Variants in MYOCD observed in about 807,000 individuals in gnomAD.
The protein encoded by MYOCD is myocardin.
Under a neutral mutation model 96.1 loss-of-function variants are expected in MYOCD, and 32 were observed. That is an observed-to-expected ratio of 0.33 (90% CI 0.25 to 0.45). The LOEUF is 0.45. MYOCD is among the 20% of genes least tolerant of loss of function. The pLI is 1.00. For missense variants in MYOCD, 1,133 were observed against 1,200.6 expected (o/e 0.94, Z 0.83); for synonymous variants, 469 against 469.0 (o/e 1.00, Z 0.00).
chr17:12,703,941 T>C (rs184858773), intron 1 of MYOCD, among the ~76,000 whole-genome samples: 14 of 152,304 alleles, frequency 9.2e-5, no homozygotes, highest in Admixed American at 9.2e-4. Flanking sequence ...ATTTCCTATT[T>C]TTTGTCCATT....
At chr17:12,702,517 G>A (rs1429753338) in intron 1 of MYOCD, among the ~76,000 whole-genome samples, 1 of 151,708 alleles carries the variant, frequency 6.6e-6, no homozygotes, top group Non-Finnish European at 1.5e-5. Context: ...TGTTTTATTT[G>A]AGCATTTCAA....
intron 1 of MYOCD, among the ~76,000 whole-genome samples, chr17:12,684,587 C>T (rs138692298): frequency 5.1e-4 from 77 of 152,296 alleles, no homozygotes; most frequent in Non-Finnish European, 9.0e-4. Flanking sequence ...TGGCTCATGC[C>T]TGTAATCCCA....
At chr17:12,722,165 G>T (rs1430605806) in intron 4 of MYOCD, among the ~76,000 whole-genome samples, 1 of 152,154 alleles carries the variant, frequency 6.6e-6, no homozygotes. Context: ...AAGTTGGCTG[G>T]ATTCTCTTCT....
rs554302305 is a variant in MYOCD at position 12,684,803 on chromosome 17, G to A, written c.55+18560G>A. ...GGGGGTTGCGGTGAGCTGAGATCACGCCACTGCACTCCAGCTGGGGAAATA... is the reference window on the plus strand; with the variant it reads ...GGGGGTTGCGGTGAGCTGAGATCACACCACTGCACTCCAGCTGGGGAAATA... On this transcript the variant is annotated intron_variant, in intron 1 of 13. Transcript: ENST00000425538. Among the ~76,000 whole-genome samples, 20 of 147,302 alleles carry A rather than the reference G, an allele frequency of 1.4e-4. No individual in the cohort carries two copies. In the East Asian group the frequency reaches 2.0e-3, roughly 15 times the overall value.
chr17:12,729,391 T>A (rs1460004035), intron 5 of MYOCD, among the ~76,000 whole-genome samples: 2 of 152,006 alleles, frequency 1.3e-5, no homozygotes, highest in Non-Finnish European at 2.9e-5. Context: ...GGAGTCTGCC[T>A]CTGCCGCCCT....
In MYOCD at chr17:12,756,575, G is replaced by A. The variant is rs754548401; in HGVS notation, c.2202+18G>A. The A allele has an allele frequency of 2.6e-6, 4 of 1,545,144 alleles. No homozygotes were observed. In the South Asian group the frequency reaches 4.8e-5, roughly 18 times the overall value. ...AGCAAAAGGTAGGCACCTGAAAAAA[G>A]GCCTCAACCTGGGATTCACTTTGCC... On this transcript the variant is annotated intron_variant, in intron 11 of 13. Coordinates refer to ENST00000425538, the MANE Select transcript of MYOCD (RefSeq NM_001146312.3).
chr17:12,737,903 G>A (rs1174514364), intron 6 of MYOCD, among the ~76,000 whole-genome samples: 1 of 152,184 alleles, frequency 6.6e-6, no homozygotes, highest in African/African-American at 2.4e-5. Context: ...GGAAAGCTGA[G>A]CTGAATACTT....
chr17:12,700,771 G>T (rs1037397571), intron 1 of MYOCD, among the ~76,000 whole-genome samples: 4 of 152,008 alleles, frequency 2.6e-5, no homozygotes, highest in African/African-American at 9.7e-5. Context: ...AAATAATTGA[G>T]AATTCTTATT....
At chr17:12,710,510 A>G in intron 2 of MYOCD, 1 of 985,136 alleles carries the variant, frequency 1.0e-6, no homozygotes, top group Non-Finnish European at 1.2e-6. Flanking sequence ...TCCAAGCTAC[A>G]GCAGCCACAT....
At position 12,752,722 on chromosome 17, in the gene MYOCD, C is replaced by T. The variant is rs759502993; in HGVS notation, c.1434C>T (p.Ala478=). ...AGSLPDTFND[A]SPSFGLHPSP... ...CCCTGCCGGACACCTTCAATGATGC[C>T]TCCCCCTCCTTCGGCCTGCACCCGT... Residue 478 remains alanine, a synonymous_variant, in exon 10 of 14, where the codon GCC becomes GCT. Coordinates refer to ENST00000425538, the MANE Select transcript of MYOCD (RefSeq NM_001146312.3). The T allele has an allele frequency of 1.9e-6, 3 of 1,614,190 alleles. No individual in the cohort carries two copies. Among genetic ancestry groups the T allele is most frequent in the Middle Eastern group, 3.3e-4 (2 of 6,062 alleles).
At chr17:12,709,921 C>T (rs562859443) in intron 2 of MYOCD, among the ~76,000 whole-genome samples, 1 of 152,322 alleles carries the variant, frequency 6.6e-6, no homozygotes, top group African/African-American at 2.4e-5. Context: ...CCAACCGCTT[C>T]TGAAGACTTA....
In MYOCD at chr17:12,763,367, C is replaced by A. The variant is rs1411152157; in HGVS notation, c.2684C>A (p.Ala895Glu). Reference protein sequence around the residue: ...GIMDGFSGKAAEDLFNAHEIL... With the variant: ...GIMDGFSGKAEEDLFNAHEIL... The stretch of plus-strand genomic sequence containing the variant: ...ATGGATGGATTCTCTGGGAAGGCTG[C>A]AGAAGACCTCTTCAATGCACATGAG... The change falls in exon 14 of 14, where the codon GCA (alanine) becomes GAA (glutamate). Residue 895 changes from alanine (A) to glutamate (E), a missense_variant. Ala to Glu is a moderately radical substitution (Grantham distance 107). Coordinates refer to ENST00000425538, the MANE Select transcript of MYOCD (RefSeq NM_001146312.3). The A allele has an allele frequency of 1.3e-6, 2 of 1,598,262 alleles. No homozygotes were observed. The highest frequency in any genetic ancestry group is 1.7e-6 in the Non-Finnish European group (2 of 1,172,050).
In MYOCD at chr17:12,736,354, C is replaced by T. The variant is rs772555501; in HGVS notation, c.591+18C>T. On this transcript the variant is annotated intron_variant, in intron 6 of 13. Transcript: ENST00000425538. The stretch of plus-strand genomic sequence containing the variant: ...CAAACCAGGTAAAAAACAAAACAAA[C>T]AAACGAAAAAAGTAAAACAGCATCT... 6.2e-7 allele frequency: 1 copy of T among 1,606,992 alleles called. No homozygotes were observed. Among genetic ancestry groups the T allele is most frequent in the African/African-American group, 1.3e-5 (1 of 74,320 alleles).
At chr17:12,678,359 G>C (rs928493379) in intron 1 of MYOCD, among the ~76,000 whole-genome samples, 1 of 151,266 alleles carries the variant, frequency 6.6e-6, no homozygotes, top group Non-Finnish European at 1.5e-5. Context: ...TTATTCTCCG[G>C]TGAGGTGTGG....
intron 5 of MYOCD, among the ~76,000 whole-genome samples, chr17:12,732,768 G>A (rs538091533): frequency 2.0e-5 from 3 of 152,232 alleles, no homozygotes; most frequent in South Asian, 2.1e-4. Context: ...CTTGTGCTTC[G>A]ACCTGGGGTC....
intron 1 of MYOCD, among the ~76,000 whole-genome samples, chr17:12,687,180 G>A (rs1279448589): frequency 6.6e-6 from 1 of 151,648 alleles, no homozygotes; most frequent in African/African-American, 2.4e-5. Flanking sequence ...TTCTTTCCGT[G>A]TAAGATTTTT....
chr17:12,697,351 ATATATATATTT>A (rs1269386411), intron 1 of MYOCD, among the ~76,000 whole-genome samples: 14 of 84,514 alleles, frequency 1.7e-4, no homozygotes, highest in African/African-American at 8.7e-4. Flanking sequence ...ATATATATAT[ATATATATATTT>A]TTTTTTTTTT....
chr17:12,722,705 T>G, intron 4 of MYOCD, 142 bp from the exon 5 acceptor site: 2 of 651,712 alleles, frequency 3.1e-6, no homozygotes, highest in African/African-American at 1.8e-5. Flanking sequence ...CCCTGTAAAG[T>G]GATGATGATT....
chr17:12,763,636 C>T lies in MYOCD; in HGVS notation c.2953C>T (p.Gln985Ter). The T allele has an allele frequency of 1.2e-6, 2 of 1,608,322 alleles. No homozygotes were observed. The highest frequency in any genetic ancestry group is 1.7e-6 in the Non-Finnish European group (2 of 1,176,994). ...LNSSMDLHLQ[Q>*]W The stretch of plus-strand genomic sequence containing the variant: ...TTCTTCCATGGACCTTCACTTGCAG[C>T]AGTGGTAGAATGCCCAATGCACCAG... The change falls in exon 14 of 14, where the codon CAG becomes TAG. Residue 985 changes from glutamine (Q) to a stop codon, truncating the protein, a stop_gained. Coordinates refer to ENST00000425538, the MANE Select transcript of MYOCD (RefSeq NM_001146312.3). LOFTEE classifies it high-confidence loss of function.
Sources: gnomAD v4.1 joint callset for allele counts (sites outside exome capture counted in the v4.1 genomes callset) on GRCh38, gnomAD v4.1.1 for gene constraint, MANE v1.5 for transcripts, NCBI Gene and HGNC (gene_info 2026-07-23, HGNC 2026-07-21) for gene names.